NTRK3: variants seen among roughly 807,000 people sequenced by gnomAD.
NTRK3 encodes neurotrophic receptor tyrosine kinase 3.
Under a neutral mutation model 91.7 loss-of-function variants are expected in NTRK3, and 24 were observed. That is an observed-to-expected ratio of 0.26 (90% confidence interval 0.19 to 0.37). NTRK3 has a LOEUF of 0.37. Ranked by LOEUF, NTRK3 falls within the 10% of genes least tolerant of loss-of-function variation. The pLI is 1.00. For synonymous variants in NTRK3, 483 were observed against 404.0 expected, an observed-to-expected ratio of 1.20 and a Z score of -2.34; for missense variants, 880 against 1,068.9, an observed-to-expected ratio of 0.82 and a Z score of 2.46.
Position 88,019,736 on chromosome 15 carries a change from T to C in NTRK3, c.1585+13121A>G, listed in dbSNP as rs185122912. Reference sequence around the variant, plus strand: ...AAGTTAACCTGGTGATATAGCAAAATACAGAAAGGCAGAGGCAGGAGAATC... The same window carrying C: ...AAGTTAACCTGGTGATATAGCAAAACACAGAAAGGCAGAGGCAGGAGAATC... On this transcript the variant is annotated intron_variant, in intron 14 of 18. Coordinates refer to ENST00000394480, the Ensembl canonical transcript of NTRK3. 2.2e-4 allele frequency among the ~76,000 whole-genome samples: 34 copies of C among 152,272 alleles called. 1 individual carries two copies. The East Asian group carries it at 6.4e-3, about 29-fold the overall frequency.
chr15:87,980,091 A>G (rs923244405), intron 14 of NTRK3, among the ~76,000 whole-genome samples: 3 of 152,162 alleles, frequency 2.0e-5, no homozygotes, highest in African/African-American at 4.8e-5. Flanking sequence ...GAGCCTTGCC[A>G]TCTTTCCAAA....
At chr15:88,155,337 T>C (rs1352815899) in intron 5 of NTRK3, among the ~76,000 whole-genome samples, 1 of 152,226 alleles carries the variant, frequency 6.6e-6, no homozygotes, top group Non-Finnish European at 1.5e-5. Flanking sequence ...GCCAAGAATG[T>C]GAGTGACCTC....
intron 17 of NTRK3, among the ~76,000 whole-genome samples, chr15:87,893,062 C>A (rs931816332): frequency 2.6e-5 from 4 of 152,158 alleles, no homozygotes; most frequent in African/African-American, 9.7e-5. Flanking sequence ...TTAAGATGTG[C>A]AACGGACATA....
intron 17 of NTRK3, among the ~76,000 whole-genome samples, chr15:87,920,831 C>T (rs2067807375): frequency 1.3e-5 from 2 of 152,102 alleles, no homozygotes; most frequent in Admixed American, 1.3e-4. Flanking sequence ...GGGATCCATC[C>T]CCTCACCCCT....
At chr15:88,228,825 G>T (rs1598068166) in intron 3 of NTRK3, among the ~76,000 whole-genome samples, 1 of 152,138 alleles carries the variant, frequency 6.6e-6, no homozygotes, top group South Asian at 2.1e-4. Flanking sequence ...ACCTCACCTT[G>T]CCATAGAGAT....
chr15:88,190,054 A>T (rs1268300172), intron 3 of NTRK3, among the ~76,000 whole-genome samples: 1 of 152,156 alleles, frequency 6.6e-6, no homozygotes, highest in Non-Finnish European at 1.5e-5. Context: ...ACCTGGCAGA[A>T]CTTCCCTGGG....
At chr15:87,984,515 G>A (rs2074568356) in intron 14 of NTRK3, among the ~76,000 whole-genome samples, 1 of 152,214 alleles carries the variant, frequency 6.6e-6, no homozygotes, top group African/African-American at 2.4e-5. Context: ...ACTGGCCGAG[G>A]TGAGTGAGCC....
At chr15:88,194,531 T>C (rs1333304302) in intron 3 of NTRK3, among the ~76,000 whole-genome samples, 1 of 152,236 alleles carries the variant, frequency 6.6e-6, no homozygotes, top group East Asian at 1.9e-4. Flanking sequence ...CAACTCTATC[T>C]ACTTCTTGCC....
intron 17 of NTRK3, among the ~76,000 whole-genome samples, chr15:87,899,478 G>C (rs2066324475): frequency 6.6e-6 from 1 of 150,968 alleles, no homozygotes; most frequent in Non-Finnish European, 1.5e-5. Context: ...AGGTTGGACA[G>C]ATCAGCCAGA....
intron 13 of NTRK3, among the ~76,000 whole-genome samples, chr15:88,124,171 A>G (rs1427211167): frequency 6.6e-6 from 1 of 152,218 alleles, no homozygotes; most frequent in East Asian, 1.9e-4. Context: ...TGAGTCTTAG[A>G]TACACCATCT....
chr15:87,998,525 G>C (rs561807206), intron 14 of NTRK3, among the ~76,000 whole-genome samples: 1 of 152,356 alleles, frequency 6.6e-6, no homozygotes, highest in African/African-American at 2.4e-5. Flanking sequence ...GTGCAAACAA[G>C]TCACATTGGA....
chr15:87,916,350 G>A (rs1216501680), intron 17 of NTRK3: 4 of 443,470 alleles, frequency 9.0e-6, no homozygotes, highest in South Asian at 6.2e-5. Context: ...GAAGGAAAAG[G>A]AGATCCTGTT....
intron 14 of NTRK3, chr15:87,979,116 C>CG (rs2073978513): frequency 1.7e-6 from 1 of 600,900 alleles, no homozygotes; most frequent in South Asian, 2.0e-5. Context: ...CCTCGTAGGC[C>CG]GGGAAAAAAG....
At position 88,233,495 on chromosome 15, in the gene NTRK3, C is replaced by G. The variant is rs959526618; in HGVS notation, c.248+22411G>C. 3.3e-5 allele frequency among the ~76,000 whole-genome samples: 5 copies of G among 152,120 alleles called. No homozygotes were observed. The highest frequency in any genetic ancestry group is 7.4e-5 in the Non-Finnish European group (5 of 68,014). ...ACACTGAAACCACAGTTAGCATCCT[C>G]GAAAGAGCAAATCCCAAGACCCTCT... On this transcript the variant is annotated intron_variant, in intron 3 of 18. Coordinates refer to ENST00000394480, the Ensembl canonical transcript of NTRK3. This position sits in a 1 kb window ranked among gnomAD's most constrained non-coding sequence, Gnocchi z 4.2.
intron 17 of NTRK3, chr15:87,928,505 C>T (rs1191886719): frequency 6.6e-6 from 1 of 152,380 alleles, no homozygotes; most frequent in African/African-American, 2.4e-5. Flanking sequence ...AAATAAGACT[C>T]TTGTTAATGT....
chr15:87,976,019 A>G lies in NTRK3; in HGVS notation c.1586-35266T>C, dbSNP rs148901854. 4.3e-3 allele frequency among the ~76,000 whole-genome samples: 650 copies of G among 152,176 alleles called. 5 individuals are homozygous for G. The highest frequency in any genetic ancestry group is 0.024 in the Middle Eastern group (7 of 294). On this transcript the variant is annotated intron_variant, in intron 14 of 18. Coordinates refer to ENST00000394480, the Ensembl canonical transcript of NTRK3. ...TGAGCTGTGGATACTTTTCCTTCCC[A>G]TATTCTCAGGGGCCATCTTTATCTA...
chr15:88,198,342 C>G (rs2048009723), intron 3 of NTRK3, among the ~76,000 whole-genome samples: 1 of 152,186 alleles, frequency 6.6e-6, no homozygotes, highest in South Asian at 2.1e-4. Flanking sequence ...AGATATGGTT[C>G]CCTCCAGTGT....
intron 14 of NTRK3, among the ~76,000 whole-genome samples, chr15:87,962,572 A>G (rs968101149): frequency 7.9e-5 from 12 of 152,182 alleles, no homozygotes; most frequent in African/African-American, 2.6e-4. Context: ...TCCTGTTGCT[A>G]TTTCCTTGAA....
chr15:88,169,506 T>C (rs944870766), intron 5 of NTRK3, among the ~76,000 whole-genome samples: 1 of 152,152 alleles, frequency 6.6e-6, no homozygotes, highest in East Asian at 1.9e-4. Flanking sequence ...GGGGATCTTG[T>C]CTTTCTGCAG....
Sources: gnomAD v4.1 joint callset for allele counts (sites outside exome capture counted in the v4.1 genomes callset) on GRCh38, gnomAD v4.1.1 for gene constraint, Gnocchi (gnomAD v3.1) non-coding constraint, MANE v1.5 for transcripts, NCBI Gene and HGNC (gene_info 2026-07-23, HGNC 2026-07-21) for gene names.